The following NUBPL variants were observed in gnomAD, a reference collection of about 807,000 sequenced individuals.
The protein encoded by NUBPL is NUBP iron-sulfur cluster assembly factor, mitochondrial.
NUBPL carries 31 observed loss-of-function variants against 45.7 expected under a neutral mutation model. The ratio of observed to expected loss-of-function variants is 0.68; its 90% CI spans 0.51 to 0.92. The LOEUF is 0.92. NUBPL is among the 40% of genes least tolerant of loss of function. NUBPL has a pLI of 0.00. For missense variants in NUBPL, 401 were observed against 398.7 expected, an observed-to-expected ratio of 1.01 and a Z score of -0.05; for synonymous variants, 144 against 140.9, an observed-to-expected ratio of 1.02 and a Z score of -0.15.
intron 6 of NUBPL, among the ~76,000 whole-genome samples, chr14:31,680,626 G>C (rs1420918641): frequency 1.3e-5 from 2 of 151,962 alleles, no homozygotes; most frequent in Non-Finnish European, 2.9e-5. Context: ...TGGGGGATTG[G>C]TTCCAGGAAC....
At chr14:31,678,570 T>C (rs115686885) in intron 6 of NUBPL, among the ~76,000 whole-genome samples, 7,210 of 152,172 alleles carry the variant, frequency 0.047, 216 homozygotes, top group Admixed American at 0.066. Flanking sequence ...TGGCCCAGGG[T>C]GTGTCTAGGA....
intron 7 of NUBPL, among the ~76,000 whole-genome samples, chr14:31,793,737 C>T (rs1183542681): frequency 1.3e-5 from 2 of 151,138 alleles, no homozygotes; most frequent in African/African-American, 4.9e-5. Context: ...TGGCCTATAG[C>T]TTATGCAATT....
chr14:31,855,463 C>G (rs1391604255), intron 10 of NUBPL, among the ~76,000 whole-genome samples: 1 of 152,102 alleles, frequency 6.6e-6, no homozygotes, highest in African/African-American at 2.4e-5. Flanking sequence ...GAAGGTTTTC[C>G]AGCCTGACTT....
chr14:31,642,539 G>T (rs1485863948), intron 4 of NUBPL, among the ~76,000 whole-genome samples: 1 of 151,944 alleles, frequency 6.6e-6, no homozygotes, highest in Non-Finnish European at 1.5e-5. Context: ...TGTTCCATTG[G>T]TCTATGTCTG....
chr14:31,584,899 G>A (rs2033955766), intron 3 of NUBPL, among the ~76,000 whole-genome samples: 1 of 152,128 alleles, frequency 6.6e-6, no homozygotes, highest in Non-Finnish European at 1.5e-5. Context: ...GAGTGAGAGA[G>A]CTCTTTGGGG....
intron 1 of NUBPL, 126 bp from the exon 2 acceptor site, chr14:31,561,942 T>C (rs1374717888): frequency 2.2e-6 from 2 of 892,148 alleles, no homozygotes; most frequent in African/African-American, 1.7e-5. Flanking sequence ...GTCTCCATAG[T>C]GAAGATGAGC....
Position 31,826,673 on chromosome 14 carries a change from G to A in NUBPL, c.652G>A (p.Ala218Thr). 1.2e-6 allele frequency: 2 copies of A among 1,614,142 alleles called. No homozygotes were observed. The change falls in exon 8 of 11, where the codon GCA (alanine) becomes ACA (threonine). Residue 218 changes from alanine (A) to threonine (T), a missense_variant. Physicochemically the swap from Ala to Thr is moderately conservative, Grantham distance 58. Transcript: ENST00000281081. ...STPQDIALMDAHKGAEMFRRV... is the reference protein window; with the variant it reads ...STPQDIALMDTHKGAEMFRRV... ...GCCCCAGGACATCGCATTGATGGAT[G>A]CACACAAGGGTGCTGAGATGTTTCG...
chr14:31,578,997 A>G (rs566232346), intron 3 of NUBPL, among the ~76,000 whole-genome samples: 4 of 152,300 alleles, frequency 2.6e-5, no homozygotes, highest in Non-Finnish European at 5.9e-5. Context: ...ACATTCTTGA[A>G]TTAAGGAAGG....
chr14:31,612,819 G>A (rs1046016885), intron 4 of NUBPL, among the ~76,000 whole-genome samples: 1 of 152,188 alleles, frequency 6.6e-6, no homozygotes, highest in Non-Finnish European at 1.5e-5. Context: ...GGATGTGGAG[G>A]AAAGGGAACC....
intron 4 of NUBPL, among the ~76,000 whole-genome samples, chr14:31,618,899 C>T (rs1489242005): frequency 6.6e-6 from 1 of 151,996 alleles, no homozygotes; most frequent in African/African-American, 2.4e-5. Context: ...TTAAAGTGTC[C>T]CACTATTATT....
intron 4 of NUBPL, among the ~76,000 whole-genome samples, chr14:31,617,449 C>T (rs2034937111): frequency 6.6e-6 from 1 of 152,132 alleles, no homozygotes; most frequent in South Asian, 2.1e-4. Context: ...AGATATGTTC[C>T]ATCAATACCT....
chr14:31,735,099 G>A (rs2038136886), intron 6 of NUBPL, among the ~76,000 whole-genome samples: 1 of 152,150 alleles, frequency 6.6e-6, no homozygotes, highest in Non-Finnish European at 1.5e-5. Context: ...GTCCATAGCA[G>A]CCTTACTTGT....
At chr14:31,585,247 TCA>T (rs1266413704) in intron 3 of NUBPL, among the ~76,000 whole-genome samples, 3 of 152,016 alleles carry the variant, frequency 2.0e-5, no homozygotes, top group Non-Finnish European at 4.4e-5. Flanking sequence ...TTAAAAAAAA[TCA>T]CAAAAAAATC....
chr14:31,798,311 T>A (rs926560233), intron 7 of NUBPL, among the ~76,000 whole-genome samples: 5 of 150,448 alleles, frequency 3.3e-5, no homozygotes, highest in African/African-American at 1.2e-4. Flanking sequence ...TGGTTTTTTT[T>A]TTTTTTTTTT....
intron 4 of NUBPL, among the ~76,000 whole-genome samples, chr14:31,672,941 T>C (rs1425403648): frequency 6.6e-6 from 1 of 152,200 alleles, no homozygotes; most frequent in East Asian, 1.9e-4. Flanking sequence ...TTGGTATTCT[T>C]TGATCCTGGA....
chr14:31,619,930 A>G (rs975942365), intron 4 of NUBPL, among the ~76,000 whole-genome samples: 3 of 152,008 alleles, frequency 2.0e-5, no homozygotes, highest in African/African-American at 7.2e-5. Context: ...AATCACATGT[A>G]GATTTGGCCT....
intron 4 of NUBPL, among the ~76,000 whole-genome samples, chr14:31,666,273 TA>T (rs1241933374): frequency 5.7e-5 from 6 of 106,106 alleles, no homozygotes; most frequent in African/African-American, 1.5e-4. Flanking sequence ...AATTTTATTT[TA>T]TTTTTTTTGA....
chr14:31,647,923 A>G (rs1238281985), intron 4 of NUBPL, among the ~76,000 whole-genome samples: 1 of 152,226 alleles, frequency 6.6e-6, no homozygotes, highest in East Asian at 1.9e-4. Context: ...GCTACTTTTA[A>G]TTTCTTATGG....
intron 3 of NUBPL, among the ~76,000 whole-genome samples, chr14:31,587,813 CA>C (rs2034032747): frequency 6.6e-6 from 1 of 151,994 alleles, no homozygotes; most frequent in South Asian, 2.1e-4. Context: ...TGCTCTTAAA[CA>C]AAAAACAGAC....
Sources: allele counts gnomAD v4.1 joint callset (sites outside exome capture counted in the v4.1 genomes callset), GRCh38; gene constraint gnomAD v4.1.1; transcripts MANE v1.5; gene names NCBI Gene and HGNC (gene_info 2026-07-23, HGNC 2026-07-21).